Variants in KIN observed in about 807,000 individuals in gnomAD.
KIN encodes Kin17 DNA and RNA binding protein.
In KIN, 47 loss-of-function variants were observed where a neutral mutation model predicts 63.0. That is an observed-to-expected ratio of 0.75 (90% CI 0.59 to 0.95). The LOEUF is 0.95. KIN is among the 40% of genes least tolerant of loss of function. The probability of loss-of-function intolerance (pLI) is 0.00; values close to 1 mark genes in which losing one functional copy is unlikely to be tolerated. For synonymous variants in KIN, 160 were observed against 157.7 expected (o/e 1.01, Z -0.11); for missense variants, 408 against 460.9 (o/e 0.89, Z 1.05).
chr10:7,777,047 G>C (rs1405525130), intron 5 of KIN, among the ~76,000 whole-genome samples: 5 of 86,164 alleles, frequency 5.8e-5, no homozygotes, highest in Non-Finnish European at 8.2e-5. Context: ...GAGAGAGACA[G>C]TCTCTCAAAA....
At chr10:7,775,462 C>T (rs1471588746) in intron 6 of KIN, among the ~76,000 whole-genome samples, 1 of 152,198 alleles carries the variant, frequency 6.6e-6, no homozygotes, top group Admixed American at 6.5e-5. Context: ...GTGTTGGCAG[C>T]TACCCTGTGT....
At chr10:7,783,057 TAA>T in intron 2 of KIN, 22 bp downstream of exon 2, 1 of 1,287,484 alleles carries the variant, frequency 7.8e-7, no homozygotes, top group Non-Finnish European at 1.1e-6. Flanking sequence ...GCCTATAAGA[TAA>T]AGAGTTCTTT....
chr10:7,758,130 T>C (rs988069358), intron 12 of KIN, among the ~76,000 whole-genome samples: 10 of 149,278 alleles, frequency 6.7e-5, no homozygotes, highest in African/African-American at 2.2e-4. Context: ...CCGGAGTAAG[T>C]GGCGCAATCT....
chr10:7,784,921 T>C (rs898858329), intron 1 of KIN, among the ~76,000 whole-genome samples: 1 of 152,200 alleles, frequency 6.6e-6, no homozygotes, highest in East Asian at 1.9e-4. Flanking sequence ...GGCTTCCTTA[T>C]ATGATGCTAT....
intron 12 of KIN, among the ~76,000 whole-genome samples, chr10:7,757,122 T>C (rs534937800): frequency 6.6e-6 from 1 of 152,350 alleles, no homozygotes; most frequent in Admixed American, 6.5e-5. Context: ...AGTTATTTCA[T>C]ATAAAGTGAC....
chr10:7,773,121 G>A (rs1375142150), intron 7 of KIN, among the ~76,000 whole-genome samples: 3 of 152,182 alleles, frequency 2.0e-5, no homozygotes, highest in Non-Finnish European at 4.4e-5. Context: ...GCCAAGTAAC[G>A]CCTGCGGCCA....
At chr10:7,783,464 T>G (rs116655965) in intron 1 of KIN, among the ~76,000 whole-genome samples, 18 of 152,212 alleles carry the variant, frequency 1.2e-4, no homozygotes, top group African/African-American at 4.1e-4. Context: ...AGAAGAGAGA[T>G]TCCATTTTTT....
At chr10:7,768,389 A>G (rs777264717) in intron 8 of KIN, among the ~76,000 whole-genome samples, 1 of 152,076 alleles carries the variant, frequency 6.6e-6, no homozygotes, top group Admixed American at 6.5e-5. Context: ...GTATGGTGGC[A>G]CACATTTGCA....
At chr10:7,764,628 T>A (rs1835502873) in intron 9 of KIN, among the ~76,000 whole-genome samples, 1 of 152,170 alleles carries the variant, frequency 6.6e-6, no homozygotes, top group Non-Finnish European at 1.5e-5. Context: ...AAAGATAGGT[T>A]TACGGAAAAA....
intron 9 of KIN, among the ~76,000 whole-genome samples, chr10:7,764,063 T>C (rs1234431326): frequency 2.0e-5 from 3 of 152,222 alleles, no homozygotes; most frequent in Non-Finnish European, 4.4e-5. Context: ...CATTGCAGAT[T>C]TCTGGAAATC....
chr10:7,770,942 C>A (rs1835654615), intron 7 of KIN, among the ~76,000 whole-genome samples: 2 of 152,174 alleles, frequency 1.3e-5, no homozygotes, highest in South Asian at 4.1e-4. Flanking sequence ...AGGACTCTGT[C>A]ACTCTGTTTT....
rs1047467225 is a variant in KIN, at chr10:7,753,823, A to G, written c.*2257T>C. The stretch of plus-strand genomic sequence containing the variant: ...TCTGTAAAGCTTCTGCCATCATCCT[A>G]TTAGTATTTCTTTACTGCCTCTTAC... On this transcript the variant is annotated 3_prime_UTR_variant, in exon 13 of 13. Coordinates refer to ENST00000379562, the MANE Select transcript of KIN (RefSeq NM_012311.4). The G allele has an allele frequency of 3.1e-5, 8 of 255,436 alleles. No individual in the cohort carries two copies. The highest frequency in any genetic ancestry group is 5.6e-5 in the Non-Finnish European group (7 of 124,746). 15.8% of individuals were successfully genotyped at this position (255,436 alleles called of 1,614,324 possible).
intron 7 of KIN, among the ~76,000 whole-genome samples, chr10:7,770,030 A>C (rs1286541136): frequency 3.3e-5 from 5 of 152,248 alleles, no homozygotes; most frequent in African/African-American, 1.2e-4. Context: ...TCCCAGGTTC[A>C]AGCGATTCTC....
In KIN at chr10:7,763,656, C is replaced by T. The variant is rs918481140; in HGVS notation, c.918+67G>A. 3 of 851,834 alleles carry T rather than the reference C, an allele frequency of 3.5e-6. No homozygotes were observed. In the Admixed American group the frequency reaches 6.9e-5, roughly 20 times the overall value. The allele number at this position is 851,834 out of a possible 1,614,324, so 52.8% of individuals were successfully genotyped here. On this transcript the variant is annotated intron_variant, in intron 10 of 12. Coordinates refer to ENST00000379562, the MANE Select transcript of KIN (RefSeq NM_012311.4). ...ACTAGGACTTGATTTTCAAGAAATA[C>T]CAAAATAGCTTCACTCAGTGACCCA...
intron 5 of KIN, 104 bp downstream of exon 5, chr10:7,778,734 A>C (rs1223673280): frequency 4.3e-5 from 54 of 1,253,462 alleles, no homozygotes; most frequent in Non-Finnish European, 6.0e-5. Context: ...GCAAGACTCC[A>C]TCTCCAAAAC....
At chr10:7,764,714 C>T (rs1191876284) in intron 9 of KIN, among the ~76,000 whole-genome samples, 2 of 152,188 alleles carry the variant, frequency 1.3e-5, no homozygotes, top group Admixed American at 6.5e-5. Context: ...ACAACTTCTC[C>T]AATTTAGTCA....
intron 1 of KIN, among the ~76,000 whole-genome samples, chr10:7,783,797 T>C (rs1310613937): frequency 6.6e-6 from 1 of 152,118 alleles, no homozygotes; most frequent in African/African-American, 2.4e-5. Flanking sequence ...CCTATCTCTA[T>C]CTGAAGCACA....
chr10:7,774,733 C>A, intron 7 of KIN, 98 bp downstream of exon 7: 3 of 965,414 alleles, frequency 3.1e-6, no homozygotes, highest in South Asian at 1.5e-5. Context: ...GTGAAAACTA[C>A]AACTAGAAAA....
Position 7,755,820 on chromosome 10 carries a change from C to T in KIN, c.*260G>A, listed in dbSNP as rs1355467893. 1.5e-5 allele frequency: 4 copies of T among 266,638 alleles called. No homozygotes were observed. Among genetic ancestry groups the T allele is most frequent in the Non-Finnish European group, 2.8e-5 (4 of 144,004 alleles). 16.5% of individuals were successfully genotyped at this position (266,638 alleles called of 1,614,324 possible). On this transcript the variant is annotated 3_prime_UTR_variant, in exon 13 of 13. Transcript: ENST00000379562. ...AGATAAAACACTTTATAATAACATTCTTTAATGAAGATATAAACTCATCAA... is the reference window on the plus strand; with the variant it reads ...AGATAAAACACTTTATAATAACATTTTTTAATGAAGATATAAACTCATCAA...
Sources: gnomAD v4.1 joint callset for allele counts (sites outside exome capture counted in the v4.1 genomes callset) on GRCh38, gnomAD v4.1.1 for gene constraint, MANE v1.5 for transcripts, NCBI Gene and HGNC (gene_info 2026-07-23, HGNC 2026-07-21) for gene names.